Variants in ESRRG observed in about 807,000 individuals in gnomAD.
ESRRG encodes estrogen related receptor gamma, also known as estrogen-related receptor gamma.
A neutral mutation model predicts 44.0 loss-of-function variants in ESRRG; 13 were observed. That is an observed-to-expected ratio of 0.30 (90% CI 0.19 to 0.47). The LOEUF (loss-of-function observed/expected upper bound fraction) is 0.47. ESRRG is among the 20% of genes least tolerant of loss of function. ESRRG has a pLI of 1.00. For missense variants in ESRRG, 395 were observed against 580.6 expected (o/e 0.68, Z 3.29); for synonymous variants, 215 against 214.6 (o/e 1.00, Z -0.02).
intron 1 of ESRRG, among the ~76,000 whole-genome samples, chr1:217,032,232 A>G (rs761204180): frequency 1.8e-4 from 27 of 152,278 alleles, no homozygotes; most frequent in Admixed American, 5.9e-4. Flanking sequence ...CCTTTTAACT[A>G]CTGAAAATTA....
At chr1:216,727,855 A>G (rs1575820575), upstream of ESRRG, among the ~76,000 whole-genome samples, 6 of 152,280 alleles carry the variant, frequency 3.9e-5, no homozygotes, top group South Asian at 1.2e-3. Flanking sequence ...TCTCACCGAC[A>G]TAACACACTA....
intron 6 of ESRRG, among the ~76,000 whole-genome samples, chr1:216,513,349 A>G (rs1018701345): frequency 1.4e-4 from 21 of 152,200 alleles, no homozygotes; most frequent in Non-Finnish European, 1.5e-4. Context: ...TAGGGAGCTG[A>G]ATCAAAAAAA....
At chr1:216,921,948 G>A (rs1009488734) in intron 2 of ESRRG, among the ~76,000 whole-genome samples, 1 of 152,152 alleles carries the variant, frequency 6.6e-6, no homozygotes, top group Admixed American at 6.6e-5. Context: ...CCTTAATAAT[G>A]ACAGCTACTA....
chr1:216,951,314 CA>C (rs1196650955), intron 1 of ESRRG, among the ~76,000 whole-genome samples: 1 of 152,120 alleles, frequency 6.6e-6, no homozygotes, highest in East Asian at 1.9e-4. Flanking sequence ...TAGCATGGAA[CA>C]TAAACACAAA....
chr1:216,829,104 C>T (rs562617285), intron 2 of ESRRG, among the ~76,000 whole-genome samples: 13 of 152,232 alleles, frequency 8.5e-5, no homozygotes, highest in South Asian at 2.1e-4. Context: ...AAATATGAAT[C>T]GTATTGATAG....
intron 2 of ESRRG, among the ~76,000 whole-genome samples, 158 bp from the exon 3 acceptor site, chr1:216,651,247 C>T (rs2068865012): frequency 1.3e-5 from 2 of 152,110 alleles, no homozygotes; most frequent in African/African-American, 4.8e-5. Flanking sequence ...AAGCTGGATG[C>T]TCTGCTATAA....
intron 2 of ESRRG, among the ~76,000 whole-genome samples, chr1:216,845,592 G>A (rs2095731919): frequency 6.6e-6 from 1 of 151,884 alleles, no homozygotes; most frequent in Non-Finnish European, 1.5e-5. Flanking sequence ...CCCTTTCCTG[G>A]CTTGTAAGCT....
intron 3 of ESRRG, among the ~76,000 whole-genome samples, chr1:216,590,412 A>T (rs922682106): frequency 1.3e-5 from 2 of 152,212 alleles, no homozygotes; most frequent in Non-Finnish European, 2.9e-5. Context: ...TAAACCATAC[A>T]ATCAACACTG....
At chr1:216,511,547 T>TCACACACACACACA (rs79870471) in intron 6 of ESRRG, among the ~76,000 whole-genome samples, 2,544 of 144,924 alleles carry the variant, frequency 0.018, 41 homozygotes, top group East Asian at 0.057. Flanking sequence ...ATACATAAAT[T>TCACACACACACACA]CACACACACA....
At chr1:216,851,066 C>T (rs1156490218) in intron 2 of ESRRG, among the ~76,000 whole-genome samples, 1 of 149,946 alleles carries the variant, frequency 6.7e-6, no homozygotes, top group Non-Finnish European at 1.5e-5. Flanking sequence ...CCTCCACCAA[C>T]ATGATATTTT....
chr1:216,995,596 A>G (rs1441684595), intron 1 of ESRRG, among the ~76,000 whole-genome samples: 1 of 152,104 alleles, frequency 6.6e-6, no homozygotes, highest in African/African-American at 2.4e-5. Flanking sequence ...CCTAGCTGTC[A>G]TTTCTTCCAG....
At chr1:216,815,441 G>C (rs1450515242) in intron 2 of ESRRG, among the ~76,000 whole-genome samples, 1 of 152,172 alleles carries the variant, frequency 6.6e-6, no homozygotes, top group Non-Finnish European at 1.5e-5. Context: ...TAAATTGTTG[G>C]TTTGGCATTA....
intron 1 of ESRRG, among the ~76,000 whole-genome samples, chr1:217,035,992 T>C (rs140362227): frequency 6.6e-6 from 1 of 152,234 alleles, no homozygotes; most frequent in African/African-American, 2.4e-5. Context: ...ATTTAAAAAA[T>C]GGACAAAGGA....
chr1:216,517,645 T>A (rs1451101295), intron 6 of ESRRG, among the ~76,000 whole-genome samples: 2 of 152,170 alleles, frequency 1.3e-5, no homozygotes, highest in Non-Finnish European at 2.9e-5. Flanking sequence ...TTATAAAATA[T>A]TTCATCTCAT....
chr1:216,620,722 A>G (rs188944092), intron 3 of ESRRG, among the ~76,000 whole-genome samples: 10 of 152,314 alleles, frequency 6.6e-5, no homozygotes, highest in Admixed American at 5.2e-4. Flanking sequence ...GACCTAGAGA[A>G]AAAATATGTA....
At chr1:216,874,771 G>A (rs2096321739) in intron 2 of ESRRG, among the ~76,000 whole-genome samples, 1 of 152,206 alleles carries the variant, frequency 6.6e-6, no homozygotes, top group African/African-American at 2.4e-5. Context: ...CCCTCAATCT[G>A]AGTGGGCACA....
chr1:216,912,563 C>A (rs776584791), intron 2 of ESRRG, among the ~76,000 whole-genome samples: 2 of 152,014 alleles, frequency 1.3e-5, no homozygotes, highest in Non-Finnish European at 2.9e-5. Context: ...CTGTCCCTCC[C>A]CAAACACATT....
chr1:216,791,363 A>G (rs1408803923), intron 2 of ESRRG, among the ~76,000 whole-genome samples: 2 of 152,028 alleles, frequency 1.3e-5, no homozygotes, highest in African/African-American at 2.4e-5. Flanking sequence ...TTCTGCCATG[A>G]TTGCAAGCTT....
intron 2 of ESRRG, among the ~76,000 whole-genome samples, chr1:216,885,864 C>A (rs1458148843): frequency 2.0e-5 from 3 of 152,038 alleles, no homozygotes; most frequent in Non-Finnish European, 4.4e-5. Context: ...ATGCTTACTC[C>A]CAGTTCCATT....
Sources: gnomAD v4.1 joint callset for allele counts (sites outside exome capture counted in the v4.1 genomes callset) on GRCh38, gnomAD v4.1.1 for gene constraint, MANE v1.5 for transcripts, NCBI Gene and HGNC (gene_info 2026-07-23, HGNC 2026-07-21) for gene names.